The following ATM variants were observed in gnomAD, a reference collection of about 807,000 sequenced individuals.
ATM encodes serine-protein kinase ATM.
Under a neutral mutation model 387.0 loss-of-function variants are expected in ATM, and 308 were observed. The ratio of observed to expected loss-of-function variants is 0.80; its 90% confidence interval spans 0.73 to 0.87. ATM has a LOEUF of 0.87. ATM is among the 40% of genes least tolerant of loss of function. The pLI, the probability that ATM is intolerant of heterozygous loss-of-function variation, is 0.00. For synonymous variants in ATM, 1,156 were observed against 1,187.3 expected (o/e 0.97, Z 0.54); for missense variants, 3,312 against 3,560.9 (o/e 0.93, Z 1.78).
chr11:108,306,793 C>T (rs1229046929), intron 37 of ATM, among the ~76,000 whole-genome samples: 2 of 152,154 alleles, frequency 1.3e-5, no homozygotes, highest in Non-Finnish European at 2.9e-5. Context: ...CAAAAGCAAA[C>T]GTGTCATCTT....
Position 108,326,179 on chromosome 11 carries a change from G to A in ATM, c.6929G>A (p.Ser2310Asn), listed in dbSNP as rs1381019767. ...AAAAAGGAGCAGAGTCTTGCCCTGA[G>A]TATTCTCAAGCAAATGATCAAGAAG... ...WAKKEQSLAL[S>N]ILKQMIKKLD... Residue 2310 changes from serine to asparagine, a missense_variant, in exon 47 of 63, where the codon AGT becomes AAT. This residue lies in a region of ATM where 1,405 missense variants were observed against 1,604.4 expected (regional missense o/e 0.88). Transcript: ENST00000675843. 1.2e-6 allele frequency: 2 copies of A among 1,613,980 alleles called. No homozygotes were observed. The highest frequency in any genetic ancestry group is 8.5e-7 in the Non-Finnish European group (1 of 1,180,022).
intron 39 of ATM, among the ~76,000 whole-genome samples, chr11:108,311,544 A>G (rs917735896): frequency 6.6e-6 from 1 of 152,100 alleles, no homozygotes; most frequent in African/African-American, 2.4e-5. Context: ...AAAAATAAAA[A>G]TAAATCAGCT....
At chr11:108,263,568 TAAAAG>T (rs1018512188) in intron 16 of ATM, among the ~76,000 whole-genome samples, 5 of 141,372 alleles carry the variant, frequency 3.5e-5, no homozygotes, top group Non-Finnish European at 7.7e-5. Context: ...ACATCACAAT[TAAAAG>T]AACTAGAAAA....
At chr11:108,276,536 T>A (rs1459266421) in intron 22 of ATM, among the ~76,000 whole-genome samples, 1 of 152,224 alleles carries the variant, frequency 6.6e-6, no homozygotes, top group Admixed American at 6.5e-5. Flanking sequence ...GACTTTTGTA[T>A]GGGGTTTCTG....
intron 31 of ATM, among the ~76,000 whole-genome samples, chr11:108,293,915 A>G (rs1043477557): frequency 1.8e-4 from 26 of 141,142 alleles, no homozygotes; most frequent in African/African-American, 6.6e-4. Flanking sequence ...ATATATATAT[A>G]TATATGTGTG....
chr11:108,332,078 T>C (rs2086322458), intron 52 of ATM, 41 bp downstream of exon 52: 2 of 1,605,370 alleles, frequency 1.2e-6, no homozygotes, highest in African/African-American at 1.3e-5. Flanking sequence ...AAGTGTGATA[T>C]TCAGTCTTTC....
rs2135803767 is a variant in ATM at position 108,292,828 on chromosome 11, A to G, written c.4611+35A>G. On this transcript the variant is annotated intron_variant, in intron 30 of 62. Coordinates refer to ENST00000675843, the MANE Select transcript of ATM (RefSeq NM_000051.4). ...TGACTCATCTTCAAAATGGTATTTA[A>G]AATATATAAAGTATTGTTAGAAGGA... is the stretch of plus-strand genomic sequence containing the variant. 3 of 1,601,620 alleles carry G rather than the reference A, an allele frequency of 1.9e-6. No homozygotes were observed. The South Asian group carries it at 3.3e-5, about 18-fold the overall frequency.
At position 108,332,913 on chromosome 11, in the gene ATM, T is replaced by TA; in HGVS notation, c.7927+16dup. ...AAGACTCAGAGAAGTATGTTTTTTT[T>TA]AAAGAAGAAACGTTACTTTCTTGCT... is the stretch of plus-strand genomic sequence containing the variant. On this transcript the variant is annotated intron_variant, in intron 53 of 62. Transcript: ENST00000675843. The TA allele has an allele frequency of 6.2e-7, 1 of 1,609,596 alleles. No individual in the cohort carries two copies. Among genetic ancestry groups the TA allele is most frequent in the Non-Finnish European group, 8.5e-7 (1 of 1,178,520 alleles).
rs767533596 is a variant in ATM at position 108,345,757 on chromosome 11, GTC to G, written c.8435_8436del (p.Ser2812PhefsTer2). Reference protein sequence around the residue: ...QKKMMEVQKKSFEEKYEVFMD... With the variant: ...QKKMMEVQKKXFEEKYEVFMD... ...TCTATTTAAAGGAGGTGCAAAAAAA[GTC>G]TTTTGAAGAGAAATATGAAGTCTTC... On this transcript the variant is annotated frameshift_variant, in exon 58 of 63. Coordinates refer to ENST00000675843, the MANE Select transcript of ATM (RefSeq NM_000051.4). LOFTEE classifies it high-confidence loss of function. 1.2e-6 allele frequency: 2 copies of G among 1,611,248 alleles called. No homozygotes were observed. The highest frequency in any genetic ancestry group is 4.5e-5 in the East Asian group (2 of 44,784).
At position 108,327,611 on chromosome 11, in the gene ATM, C is replaced by T. The variant is rs771460194; in HGVS notation, c.6976-34C>T. The T allele has an allele frequency of 2.6e-6, 4 of 1,516,450 alleles. No individual in the cohort carries two copies. In the South Asian group the frequency reaches 4.5e-5, roughly 17 times the overall value. 93.9% of individuals were successfully genotyped at this position (1,516,450 alleles called of 1,614,324 possible). A position where few individuals can be genotyped will look rare whatever the true frequency, so the allele number is the denominator to read the frequency against. Reference sequence around the variant, plus strand: ...GCAGTTGGGTACAGTCATGGTAATGCATTATATTTTAAGATTTTGCCTTTC... The same window carrying T: ...GCAGTTGGGTACAGTCATGGTAATGTATTATATTTTAAGATTTTGCCTTTC... On this transcript the variant is annotated intron_variant, in intron 47 of 62. Transcript: ENST00000675843.
intron 17 of ATM, among the ~76,000 whole-genome samples, chr11:108,267,613 C>T (rs1049653749): frequency 4.6e-5 from 7 of 152,050 alleles, no homozygotes; most frequent in African/African-American, 1.4e-4. Flanking sequence ...AATCTCAGCA[C>T]TTTGGGAGGC....
At position 108,368,113 on chromosome 11, in the gene ATM, T is replaced by G; in HGVS notation, c.*2605T>G. 4.8e-6 allele frequency: 1 copy of G among 207,644 alleles called. No homozygotes were observed. The highest frequency in any genetic ancestry group is 9.8e-6 in the Non-Finnish European group (1 of 101,934). 12.9% of individuals were successfully genotyped at this position (207,644 alleles called of 1,614,324 possible). A position where few individuals can be genotyped will look rare whatever the true frequency, so the allele number is the denominator to read the frequency against. On this transcript the variant is annotated 3_prime_UTR_variant, in exon 63 of 63. Coordinates refer to ENST00000675843, the MANE Select transcript of ATM (RefSeq NM_000051.4). ...TGAGGCTCCTGTTCTGTTCAAGTATTCTAATCAATGGCTTTGAAAAGTTTA... is the reference window on the plus strand; with the variant it reads ...TGAGGCTCCTGTTCTGTTCAAGTATGCTAATCAATGGCTTTGAAAAGTTTA...
At chr11:108,236,118 C>A (rs900910638) in intron 5 of ATM, 1 of 434,916 alleles carries the variant, frequency 2.3e-6, no homozygotes, top group Non-Finnish European at 4.2e-6. Flanking sequence ...GAAGAAAACC[C>A]AAGTAAACCA....
intron 22 of ATM, 30 bp from the exon 23 acceptor site, chr11:108,279,461 T>C: frequency 6.8e-7 from 1 of 1,464,058 alleles, no homozygotes; most frequent in Non-Finnish European, 9.4e-7. Flanking sequence ...ATTTCACTTT[T>C]TGTTTGTTTG....
chr11:108,307,137 T>G (rs1465814944), intron 37 of ATM, among the ~76,000 whole-genome samples: 2 of 151,824 alleles, frequency 1.3e-5, no homozygotes, highest in Non-Finnish European at 2.9e-5. Context: ...CACTTTTTCT[T>G]TTTTCTTTTT....
At chr11:108,301,495 T>C (rs2083426878) in intron 34 of ATM, among the ~76,000 whole-genome samples, 153 bp from the exon 35 acceptor site, 1 of 152,246 alleles carries the variant, frequency 6.6e-6, no homozygotes, top group Non-Finnish European at 1.5e-5. Context: ...GAAAGTCCTT[T>C]GATACTTTTA....
At chr11:108,249,227 T>C (rs2080010872) in intron 9 of ATM, 125 bp downstream of exon 9, 2 of 1,099,496 alleles carry the variant, frequency 1.8e-6, no homozygotes, top group Admixed American at 1.8e-5. Context: ...CCCAAACCTA[T>C]TACTAGCAAA....
At chr11:108,322,048 ACTG>A (rs2085273107) in intron 45 of ATM, among the ~76,000 whole-genome samples, 1 of 152,194 alleles carries the variant, frequency 6.6e-6, no homozygotes, top group Admixed American at 6.5e-5. Flanking sequence ...ACATTGTATT[ACTG>A]TCATTTTATC....
chr11:108,228,278 C>T (rs1237369366), intron 3 of ATM, among the ~76,000 whole-genome samples: 1 of 151,956 alleles, frequency 6.6e-6, no homozygotes, highest in Non-Finnish European at 1.5e-5. Context: ...TGTAATAAAA[C>T]AAGTAAAAGG....
Sources: allele counts gnomAD v4.1 joint callset (sites outside exome capture counted in the v4.1 genomes callset), GRCh38; gene constraint gnomAD v4.1.1; regional missense constraint gnomAD v4.1.1; transcripts MANE v1.5; gene names NCBI Gene and HGNC (gene_info 2026-07-23, HGNC 2026-07-21).